Variants in YAP1 observed in about 807,000 individuals in gnomAD.
YAP1 encodes the protein Yes1 associated transcriptional regulator.
A neutral mutation model predicts 56.9 loss-of-function variants in YAP1; 5 were observed. That is an observed-to-expected ratio of 0.09 (90% CI 0.05 to 0.18). The LOEUF is 0.18. Among genes scored for constraint, YAP1 ranks in the 10% least tolerant of loss-of-function variants. The pLI is 1.00. For synonymous variants in YAP1, 265 were observed against 248.1 expected (o/e 1.07, Z -0.64); for missense variants, 539 against 651.8 (o/e 0.83, Z 1.88).
chr11:102,110,697 C>A lies in YAP1; in HGVS notation c.-152C>A. The A allele has an allele frequency of 1.7e-6, 1 of 594,216 alleles. No homozygotes were observed. Among genetic ancestry groups the A allele is most frequent in the Non-Finnish European group, 2.3e-6 (1 of 433,854 alleles). 36.8% of individuals were successfully genotyped at this position (594,216 alleles called of 1,614,324 possible). ...GGCGCCGGGGCGGGGGATGCGGGGC[C>A]GCGGCGCAGCCCCCCGGCCCTGAGA... On this transcript the variant is annotated 5_prime_UTR_variant, in exon 1 of 9. Coordinates refer to ENST00000282441, the MANE Select transcript of YAP1 (RefSeq NM_001130145.3).
intron 2 of YAP1, among the ~76,000 whole-genome samples, chr11:102,130,720 CTTTTTTTTT>C (rs61175592): frequency 4.1e-5 from 4 of 98,114 alleles, no homozygotes; most frequent in East Asian, 3.2e-4. Flanking sequence ...GATAACTACT[CTTTTTTTTT>C]TTTTTTTTTT....
rs752230095 is a variant in YAP1 at position 102,205,946 on chromosome 11, G to A, written c.856G>A (p.Ala286Thr). ...TCCAGTGAAACAGCCACCACCCCTG[G>A]CTCCCCAGAGCCCACAGGGAGGCGT... ...SAPVKQPPPL[A>T]PQSPQGGVMG... is the part of the protein sequence containing the mutation. The change falls in exon 5 of 9, where the codon GCT becomes ACT. Residue 286 changes from alanine to threonine, a missense_variant. Around this residue, in one of 4 missense-constraint regions of YAP1, gnomAD observed 414 missense variants for 512.4 expected, o/e 0.81. Transcript: ENST00000282441. 1 of 1,610,586 alleles carries A rather than the reference G, an allele frequency of 6.2e-7. No individual in the cohort carries two copies. The highest frequency in any genetic ancestry group is 1.7e-5 in the Admixed American group (1 of 59,784).
chr11:102,224,975 A>G (rs1300081081), intron 7 of YAP1, among the ~76,000 whole-genome samples: 1 of 152,212 alleles, frequency 6.6e-6, no homozygotes, highest in Non-Finnish European at 1.5e-5. Flanking sequence ...GATAGGCTGC[A>G]TATCCTTCTG....
In YAP1 at chr11:102,186,069, A is replaced by G. The variant is rs1947929389; in HGVS notation, c.740A>G (p.Tyr247Cys). Residue 247 changes from tyrosine (Y) to cysteine (C), a missense_variant, in exon 4 of 9, where the codon TAC (tyrosine) becomes TGC (cysteine). This residue lies in a region of YAP1 where 414 missense variants were observed against 512.4 expected (regional missense o/e 0.81). Transcript: ENST00000282441. The stretch of plus-strand genomic sequence containing the variant: ...GCCATGACTCAGGATGGAGAAATTT[A>G]CTATATAAACCATAAGAACAAGACC... ...EQAMTQDGEI[Y>C]YINHKNKTTS... 1 of 1,611,734 alleles carries G rather than the reference A, an allele frequency of 6.2e-7. No individual in the cohort carries two copies. Among genetic ancestry groups the G allele is most frequent in the Admixed American group, 1.7e-5 (1 of 59,824 alleles).
chr11:102,169,606 A>G (rs1025092355), intron 3 of YAP1, among the ~76,000 whole-genome samples: 2 of 152,234 alleles, frequency 1.3e-5, no homozygotes, highest in African/African-American at 4.8e-5. Context: ...TATTCCAAAT[A>G]CCTTTTTTAA....
chr11:102,221,092 A>G (rs1949906293), intron 6 of YAP1, among the ~76,000 whole-genome samples: 1 of 152,222 alleles, frequency 6.6e-6, no homozygotes, highest in South Asian at 2.1e-4. Flanking sequence ...GGAAGCTGTC[A>G]GGTTAAGTGA....
chr11:102,127,658 G>A (rs1591153613), intron 2 of YAP1, among the ~76,000 whole-genome samples: 2 of 152,208 alleles, frequency 1.3e-5, no homozygotes, highest in Admixed American at 6.5e-5. Context: ...CCCCACTGGG[G>A]CACTGCCTAG....
chr11:102,216,246 G>C (rs1259794000), intron 6 of YAP1, among the ~76,000 whole-genome samples: 2 of 152,144 alleles, frequency 1.3e-5, no homozygotes, highest in African/African-American at 4.8e-5. Flanking sequence ...GCAAAGGATT[G>C]TAAATGTGAA....
intron 2 of YAP1, among the ~76,000 whole-genome samples, chr11:102,116,118 T>A (rs1591107774): frequency 2.0e-5 from 3 of 152,326 alleles, no homozygotes; most frequent in Admixed American, 2.0e-4. Flanking sequence ...TGGCCTTCCG[T>A]ATCTGTGGGT....
At position 102,132,851 on chromosome 11, in the gene YAP1, C is replaced by T. The variant is rs377429497; in HGVS notation, c.572+18457C>T. ...ATGTGTAAAACATTACAATTTTTTA[C>T]TTTTTTTATTTTTTACTGGCATAGG... On this transcript the variant is annotated intron_variant, in intron 2 of 8. Transcript: ENST00000282441. Among the ~76,000 whole-genome samples, 11 of 152,246 alleles carry T rather than the reference C, an allele frequency of 7.2e-5. No individual in the cohort carries two copies. In the East Asian group the frequency reaches 1.9e-3, roughly 27 times the overall value.
intron 6 of YAP1, among the ~76,000 whole-genome samples, chr11:102,216,316 G>T (rs1349720980): frequency 6.6e-6 from 1 of 151,970 alleles, no homozygotes; most frequent in East Asian, 1.9e-4. Context: ...ATTTGTTTCA[G>T]GGTTATCTAG....
At chr11:102,156,373 T>C (rs1453531395) in intron 2 of YAP1, among the ~76,000 whole-genome samples, 1 of 152,216 alleles carries the variant, frequency 6.6e-6, no homozygotes, top group Non-Finnish European at 1.5e-5. Context: ...TTCATAAAAA[T>C]ACCCAGGTGC....
chr11:102,178,841 G>T (rs1335900814), intron 3 of YAP1, among the ~76,000 whole-genome samples: 2 of 152,202 alleles, frequency 1.3e-5, no homozygotes, highest in Non-Finnish European at 2.9e-5. Flanking sequence ...TGTACAGGAA[G>T]CATGGTGCCA....
intron 4 of YAP1, among the ~76,000 whole-genome samples, chr11:102,189,464 G>A (rs1948161995): frequency 6.6e-6 from 1 of 152,186 alleles, no homozygotes; most frequent in South Asian, 2.1e-4. Context: ...TAGGAAATAA[G>A]TGCTGATGGC....
At chr11:102,162,230 A>G (rs1946330577) in intron 2 of YAP1, among the ~76,000 whole-genome samples, 1 of 152,222 alleles carries the variant, frequency 6.6e-6, no homozygotes, top group African/African-American at 2.4e-5. Flanking sequence ...AATTCCAGGC[A>G]TAACTTTTTC....
chr11:102,186,814 A>AAGTGTGTGTGTGTGTG (rs1491283213), intron 4 of YAP1: 3 of 138,418 alleles, frequency 2.2e-5, no homozygotes, highest in Non-Finnish European at 4.7e-5. Context: ...TTTTTAAAAA[A>AAGTGTGTGTGTGTGTG]TGTGTGTGTG....
intron 4 of YAP1, among the ~76,000 whole-genome samples, chr11:102,203,057 G>A (rs1386260583): frequency 2.0e-5 from 3 of 152,126 alleles, no homozygotes; most frequent in Admixed American, 1.3e-4. Flanking sequence ...AAAAACCAAG[G>A]GGGAACCTGT....
chr11:102,192,275 G>C (rs1948330634), intron 4 of YAP1, among the ~76,000 whole-genome samples: 1 of 152,124 alleles, frequency 6.6e-6, no homozygotes, highest in Non-Finnish European at 1.5e-5. Context: ...AGAGTTCTCT[G>C]TTCTTTATCA....
At chr11:102,189,679 T>C (rs902819482) in intron 4 of YAP1, among the ~76,000 whole-genome samples, 1 of 152,226 alleles carries the variant, frequency 6.6e-6, no homozygotes, top group Non-Finnish European at 1.5e-5. Flanking sequence ...TGATTTTGGT[T>C]CCTTTGTTTC....
Sources: allele counts gnomAD v4.1 joint callset (sites outside exome capture counted in the v4.1 genomes callset), GRCh38; gene constraint gnomAD v4.1.1; regional missense constraint gnomAD v4.1.1; transcripts MANE v1.5; gene names NCBI Gene and HGNC (gene_info 2026-07-23, HGNC 2026-07-21).